The following SLC26A7 variants were observed in gnomAD, a reference collection of about 807,000 sequenced individuals.
The protein encoded by SLC26A7 is solute carrier family 26 member 7, also known as anion exchange transporter.
A neutral mutation model predicts 82.5 loss-of-function variants in SLC26A7; 59 were observed. The observed-to-expected ratio is 0.72, with a 90% CI of 0.58 to 0.89. SLC26A7 has a LOEUF of 0.89. SLC26A7 is among the 40% of genes least tolerant of loss of function. The pLI, the probability that SLC26A7 is intolerant of heterozygous loss-of-function variation, is 0.00. For missense variants in SLC26A7, 820 were observed against 793.0 expected (o/e 1.03, Z -0.41); for synonymous variants, 271 against 274.3 (o/e 0.99, Z 0.12).
chr8:91,367,661 G>T (rs1814234882), intron 14 of SLC26A7, among the ~76,000 whole-genome samples: 1 of 152,200 alleles, frequency 6.6e-6, no homozygotes. Context: ...TAATTGAGAT[G>T]ATTAAATGAG....
At chr8:91,370,203 T>A (rs1481311447) in intron 15 of SLC26A7, among the ~76,000 whole-genome samples, 1 of 145,414 alleles carries the variant, frequency 6.9e-6, no homozygotes, top group East Asian at 1.9e-4. Flanking sequence ...TTCTCCTCCT[T>A]TCTCTCTTTA....
intron 9 of SLC26A7, among the ~76,000 whole-genome samples, chr8:91,345,725 G>T (rs75942528): frequency 3.3e-5 from 5 of 152,128 alleles, no homozygotes; most frequent in Non-Finnish European, 4.4e-5. Context: ...GGGCAGAAAA[G>T]GTTGAAATAG....
At chr8:91,367,053 G>C (rs1275560672) in intron 14 of SLC26A7, among the ~76,000 whole-genome samples, 1 of 151,816 alleles carries the variant, frequency 6.6e-6, no homozygotes, top group Non-Finnish European at 1.5e-5. Flanking sequence ...TGTCACCCAG[G>C]CTGGAGTGCA....
chr8:91,281,452 A>G (rs1203975397), intron 2 of SLC26A7, among the ~76,000 whole-genome samples: 1 of 152,224 alleles, frequency 6.6e-6, no homozygotes, highest in Non-Finnish European at 1.5e-5. Context: ...ACCCTGGAAT[A>G]TGGAGGGCTG....
At chr8:91,309,669 C>G (rs544424022) in intron 4 of SLC26A7, among the ~76,000 whole-genome samples, 1 of 151,642 alleles carries the variant, frequency 6.6e-6, no homozygotes, top group South Asian at 2.1e-4. Flanking sequence ...AGAGCATGAA[C>G]GAAAAGAAAA....
chr8:91,223,796 C>G (rs761636179), intron 2 of SLC26A7, among the ~76,000 whole-genome samples: 20 of 152,120 alleles, frequency 1.3e-4, no homozygotes, highest in Admixed American at 6.5e-5. Context: ...TTCTCCCTGT[C>G]TCCTTCTGGT....
intron 13 of SLC26A7, among the ~76,000 whole-genome samples, chr8:91,365,166 T>A (rs2130873666): frequency 6.6e-6 from 1 of 151,208 alleles, no homozygotes; most frequent in East Asian, 1.9e-4. Context: ...CAAATACATT[T>A]TTTTTCATAT....
chr8:91,327,500 T>C (rs561238667), intron 5 of SLC26A7, among the ~76,000 whole-genome samples: 1 of 152,270 alleles, frequency 6.6e-6, no homozygotes, highest in Non-Finnish European at 1.5e-5. Context: ...ACAGTCCATA[T>C]TTTTAGACAC....
intron 2 of SLC26A7, among the ~76,000 whole-genome samples, chr8:91,286,850 A>G (rs1433675810): frequency 1.3e-5 from 2 of 152,216 alleles, no homozygotes; most frequent in Non-Finnish European, 2.9e-5. Context: ...AACCAGAATA[A>G]TAAATGAATC....
At chr8:91,323,503 C>G (rs1812849140) in intron 5 of SLC26A7, among the ~76,000 whole-genome samples, 1 of 152,150 alleles carries the variant, frequency 6.6e-6, no homozygotes, top group Admixed American at 6.5e-5. Context: ...TGGATGCCAC[C>G]TGGACCTTGG....
In SLC26A7 at chr8:91,340,412, C is replaced by T. The variant is rs1813370768; in HGVS notation, c.887C>T (p.Ser296Leu). The T allele has an allele frequency of 2.5e-6, 4 of 1,613,668 alleles. No homozygotes were observed. Among genetic ancestry groups the T allele is most frequent in the African/African-American group, 2.7e-5 (2 of 74,894 alleles). ...GGTCCTTCTTTCCACAGAATTCCCT[C>T]ACCTAGAGCTCCCCCGATGAACATC... ...VVGHIPQGIPSPRAPPMNILS... is the reference protein window; with the variant it reads ...VVGHIPQGIPLPRAPPMNILS... Residue 296 changes from serine (S) to leucine (L), a missense_variant, in exon 8 of 19, where the codon TCA (serine) becomes TTA (leucine). Physicochemically the swap from Ser to Leu is moderately radical, Grantham distance 145. Transcript: ENST00000276609.
At chr8:91,341,094 G>A (rs995278010) in intron 8 of SLC26A7, among the ~76,000 whole-genome samples, 4 of 151,140 alleles carry the variant, frequency 2.6e-5, no homozygotes, top group African/African-American at 4.9e-5. Flanking sequence ...CCACTAACTC[G>A]TCATCTAGCG....
rs756358399 is a variant in SLC26A7 at position 91,363,588 on chromosome 8, G to T, written c.1488+50G>T. The T allele has an allele frequency of 8.1e-6, 9 of 1,107,300 alleles. No individual in the cohort carries two copies. In the South Asian group the frequency reaches 1.4e-4, roughly 17 times the overall value. 68.6% of individuals were successfully genotyped at this position (1,107,300 alleles called of 1,614,324 possible). A position where few individuals can be genotyped will look rare whatever the true frequency, so the allele number is the denominator to read the frequency against. On this transcript the variant is annotated intron_variant, in intron 13 of 18. Coordinates refer to ENST00000276609, the MANE Select transcript of SLC26A7 (RefSeq NM_052832.4). ...TATGCAATTGTTAATCATTTTGTGG[G>T]TGAGATAATTTTAAGACATCACAAA...
chr8:91,248,660 C>T (rs1390764983), upstream of SLC26A7, among the ~76,000 whole-genome samples: 2 of 151,950 alleles, frequency 1.3e-5, no homozygotes, highest in South Asian at 4.2e-4. Flanking sequence ...AGAACACCTA[C>T]CCCCAAAAGT....
At chr8:91,241,848 G>T (rs1586314918) in intron 2 of SLC26A7, among the ~76,000 whole-genome samples, 1 of 152,110 alleles carries the variant, frequency 6.6e-6, no homozygotes, top group East Asian at 1.9e-4. Flanking sequence ...TTTTCACATT[G>T]CTTGTGTCCT....
intron 4 of SLC26A7, 84 bp from the exon 5 acceptor site, chr8:91,318,132 T>G: frequency 4.5e-4 from 512 of 1,137,796 alleles, no homozygotes; most frequent in Non-Finnish European, 5.7e-4. Flanking sequence ...CAAATGAAAA[T>G]GAGAATGTGT....
At chr8:91,240,743 A>G (rs968730744) in intron 2 of SLC26A7, among the ~76,000 whole-genome samples, 1 of 152,158 alleles carries the variant, frequency 6.6e-6, no homozygotes, top group African/African-American at 2.4e-5. Context: ...AAAACTAGCA[A>G]GTGAAAACAA....
rs115814832 is a variant in SLC26A7 at position 91,329,484 on chromosome 8, T to C, written c.643-4811T>C. 1.5e-3 allele frequency among the ~76,000 whole-genome samples: 227 copies of C among 152,318 alleles called. 2 individuals carry two copies. Among genetic ancestry groups the C allele is most frequent in the African/African-American group, 5.1e-3 (212 of 41,584 alleles). ...GTGCTTTGCTTAATGAGCTATAGTT[T>C]AATCCAGACAGACAATAAAAACCCT... On this transcript the variant is annotated intron_variant, in intron 5 of 18. Coordinates refer to ENST00000276609, the MANE Select transcript of SLC26A7 (RefSeq NM_052832.4).
intron 11 of SLC26A7, among the ~76,000 whole-genome samples, chr8:91,361,607 AT>A (rs975868949): frequency 1.3e-5 from 2 of 152,098 alleles, no homozygotes; most frequent in African/African-American, 4.8e-5. Flanking sequence ...TTTTAAAGAT[AT>A]TTTTTCAGCA....
Sources: gnomAD v4.1 joint callset for allele counts (sites outside exome capture counted in the v4.1 genomes callset) on GRCh38, gnomAD v4.1.1 for gene constraint, MANE v1.5 for transcripts, NCBI Gene and HGNC (gene_info 2026-07-23, HGNC 2026-07-21) for gene names.